Variants in RBL1 observed in about 807,000 individuals in gnomAD.
The protein encoded by RBL1 is retinoblastoma-like protein 1.
A neutral mutation model predicts 123.0 loss-of-function variants in RBL1; 82 were observed. The observed-to-expected ratio is 0.67, with a 90% CI of 0.56 to 0.80. The LOEUF (loss-of-function observed/expected upper bound fraction) is 0.80. Among genes scored for constraint, RBL1 ranks in the 30% least tolerant of loss-of-function variants. The probability of loss-of-function intolerance (pLI) is 0.00; values close to 1 mark genes in which losing one functional copy is unlikely to be tolerated. For synonymous variants in RBL1, 405 were observed against 441.3 expected, an observed-to-expected ratio of 0.92 and a Z score of 1.03; for missense variants, 1,171 against 1,299.6, an observed-to-expected ratio of 0.90 and a Z score of 1.52.
At chr20:37,014,302 C>A (rs2064215950) in intron 19 of RBL1, among the ~76,000 whole-genome samples, 1 of 151,906 alleles carries the variant, frequency 6.6e-6, no homozygotes, top group Non-Finnish European at 1.5e-5. Flanking sequence ...TGGTCTTGAA[C>A]TCCTGGGTTC....
At chr20:37,013,000 T>C (rs1396205135) in intron 19 of RBL1, among the ~76,000 whole-genome samples, 3 of 145,204 alleles carry the variant, frequency 2.1e-5, no homozygotes, top group East Asian at 2.2e-4. Flanking sequence ...GTCACCCCGT[T>C]GGGGAGGTGA....
At chr20:37,022,870 C>A (rs778014685) in intron 16 of RBL1, 44 bp from the exon 17 acceptor site, 4 of 1,456,816 alleles carry the variant, frequency 2.7e-6, no homozygotes, top group African/African-American at 1.4e-5. Flanking sequence ...CCAAGTAAAT[C>A]ATTTCTCAAA....
chr20:37,018,082 T>C (rs2064285206), intron 19 of RBL1, among the ~76,000 whole-genome samples, 197 bp downstream of exon 19: 1 of 152,230 alleles, frequency 6.6e-6, no homozygotes, highest in Non-Finnish European at 1.5e-5. Flanking sequence ...CAAAACACAA[T>C]TAACAGGGGA....
chr20:37,023,958 G>C (rs1287369803), intron 16 of RBL1, among the ~76,000 whole-genome samples: 1 of 145,432 alleles, frequency 6.9e-6, no homozygotes. Context: ...TTTTTTTTTT[G>C]TATTTGAGTA....
chr20:37,008,518 G>C (rs1382172843), intron 19 of RBL1, among the ~76,000 whole-genome samples: 1 of 152,132 alleles, frequency 6.6e-6, no homozygotes, highest in Non-Finnish European at 1.5e-5. Context: ...TGTGAAACCA[G>C]GCAGAACTTT....
intron 2 of RBL1, among the ~76,000 whole-genome samples, chr20:37,087,968 AAAAGAG>A (rs1384998712): frequency 6.6e-6 from 1 of 152,182 alleles, no homozygotes; most frequent in Non-Finnish European, 1.5e-5. Context: ...GTTGAGGATA[AAAAGAG>A]AAAGATCTGG....
At chr20:37,017,137 C>T (rs985183069) in intron 19 of RBL1, among the ~76,000 whole-genome samples, 5 of 151,994 alleles carry the variant, frequency 3.3e-5, no homozygotes, top group African/African-American at 9.7e-5. Flanking sequence ...CTTTGGGAGG[C>T]CAAGGTGGGC....
intron 21 of RBL1, among the ~76,000 whole-genome samples, chr20:37,001,181 G>A (rs996908888): frequency 4.8e-5 from 7 of 146,186 alleles, no homozygotes; most frequent in African/African-American, 1.0e-4. Context: ...GGGCGCCTCT[G>A]CCCGGCCGCC....
rs146709291 is a variant in RBL1, at chr20:37,068,169, C to T, written c.308G>A (p.Ser103Asn). The change falls in exon 3 of 22, where the codon AGT (serine) becomes AAT (asparagine). Residue 103 changes from serine to asparagine, a missense_variant. Ser to Asn is a conservative substitution (Grantham distance 46). Transcript: ENST00000373664. The part of the protein sequence containing the change: ...SAKLSLIQFF[S>N]KMKKWMDMSN... ...CATGTCCATCCATTTCTTCATTTTA[C>T]TAAAAAATTGTATTAAACTAAAAAA... The T allele has an allele frequency of 2.6e-5, 41 of 1,579,226 alleles. No individual in the cohort carries two copies. In the African/African-American group the frequency reaches 4.7e-4, roughly 18 times the overall value.
At position 37,003,848 on chromosome 20, in the gene RBL1, A is replaced by G. The variant is rs1213923646; in HGVS notation, c.2890T>C (p.Ser964Pro). The G allele has an allele frequency of 1.2e-6, 2 of 1,609,420 alleles. No individual in the cohort carries two copies. Among genetic ancestry groups the G allele is most frequent in the Admixed American group, 1.7e-5 (1 of 58,776 alleles). Residue 964 changes from serine to proline, a missense_variant, in exon 21 of 22, where the codon TCT (serine) becomes CCT (proline). By Grantham distance (74) the Ser-to-Pro change is moderately conservative (BLOSUM62 -1). Coordinates refer to ENST00000373664, the MANE Select transcript of RBL1 (RefSeq NM_002895.5). Reference protein sequence around the residue: ...QDHMMDAPPLSPFPHIKQQPG... With the variant: ...QDHMMDAPPLPPFPHIKQQPG... ...TGTTGTTTAATATGTGGAAAAGGAG[A>G]GAGTGGTGGAGCATCCATCTAAAAT... is the stretch of plus-strand genomic sequence containing the variant.
chr20:37,043,940 G>A (rs997570129), intron 13 of RBL1, 146 bp downstream of exon 13: 1 of 545,358 alleles, frequency 1.8e-6, no homozygotes. Flanking sequence ...TGTGGTTATG[G>A]CTGCACATAT....
intron 7 of RBL1, among the ~76,000 whole-genome samples, chr20:37,062,853 G>A (rs1279827711): frequency 2.6e-5 from 4 of 151,644 alleles, no homozygotes; most frequent in Admixed American, 2.6e-4. Flanking sequence ...TACTTGGGAG[G>A]TGCCTGTAGT....
At chr20:37,021,107 T>C (rs760187836) in intron 17 of RBL1, among the ~76,000 whole-genome samples, 4 of 152,230 alleles carry the variant, frequency 2.6e-5, no homozygotes, top group Non-Finnish European at 5.9e-5. Context: ...ATACGAAGGA[T>C]TAAAAATATC....
At chr20:37,023,282 T>C (rs1209043846) in intron 16 of RBL1, among the ~76,000 whole-genome samples, 1 of 152,098 alleles carries the variant, frequency 6.6e-6, no homozygotes, top group Non-Finnish European at 1.5e-5. Context: ...CCACCACGCC[T>C]AGCTAAATTT....
intron 19 of RBL1, 71 bp downstream of exon 19, chr20:37,018,208 G>A: frequency 1.4e-6 from 2 of 1,412,644 alleles, no homozygotes; most frequent in Admixed American, 3.1e-5. Context: ...CATGTTGTCT[G>A]ACACCCACTG....
rs752848104 is a variant in RBL1 at position 37,047,035 on chromosome 20, A to C, written c.1605+18T>G. On this transcript the variant is annotated intron_variant, in intron 12 of 21. Coordinates refer to ENST00000373664, the MANE Select transcript of RBL1 (RefSeq NM_002895.5). The stretch of plus-strand genomic sequence containing the variant: ...AACACTGTTTTCATCTCATAACAGA[A>C]CTTTGTTTTCATCTCACCTTATAAA... 3.8e-6 allele frequency: 6 copies of C among 1,572,042 alleles called. No individual in the cohort carries two copies. Among genetic ancestry groups the C allele is most frequent in the Non-Finnish European group, 5.1e-6 (6 of 1,169,010 alleles).
In RBL1 at chr20:37,035,390, GA is replaced by G; in HGVS notation, c.2021del (p.Ile674ThrfsTer2). Reference protein sequence around the residue: ...DPPKEMLMDKIITEGTKLKIA... With the variant: ...DPPKEMLMDKXITEGTKLKIA... ...TTTTCAATTTTGTTCCTTCTGTTAT[GA>G]TCTTGTCCATAAGCATTTCCTTTGG... On this transcript the variant is annotated frameshift_variant, in exon 15 of 22. Coordinates refer to ENST00000373664, the MANE Select transcript of RBL1 (RefSeq NM_002895.5). LOFTEE classifies it high-confidence loss of function. 1 of 1,614,098 alleles carries G rather than the reference GA, an allele frequency of 6.2e-7. No homozygotes were observed. The highest frequency in any genetic ancestry group is 1.1e-5 in the South Asian group (1 of 91,084).
chr20:37,088,356 A>G (rs1283980097), intron 2 of RBL1, among the ~76,000 whole-genome samples: 1 of 152,138 alleles, frequency 6.6e-6, no homozygotes, highest in African/African-American at 2.4e-5. Flanking sequence ...AATGTCAATA[A>G]CAGGTGACTC....
In RBL1 at chr20:37,019,028, C is replaced by G. The variant is rs989508304; in HGVS notation, c.2632-659G>C. 7.2e-5 allele frequency among the ~76,000 whole-genome samples: 11 copies of G among 151,952 alleles called. 1 individual carries two copies. Among genetic ancestry groups the G allele is most frequent in the Admixed American group, 2.0e-4 (3 of 15,228 alleles). On this transcript the variant is annotated intron_variant, in intron 18 of 21. Coordinates refer to ENST00000373664, the MANE Select transcript of RBL1 (RefSeq NM_002895.5). Reference sequence around the variant, plus strand: ...TCCTTCTTCTTAATTCCTTACACAACAATCAATTGGTCTTTTTTTTCTTTT... The same window carrying G: ...TCCTTCTTCTTAATTCCTTACACAAGAATCAATTGGTCTTTTTTTTCTTTT...
Sources: allele counts gnomAD v4.1 joint callset (sites outside exome capture counted in the v4.1 genomes callset), GRCh38; gene constraint gnomAD v4.1.1; transcripts MANE v1.5; gene names NCBI Gene and HGNC (gene_info 2026-07-23, HGNC 2026-07-21).